FNDC3A: variants seen among roughly 807,000 people sequenced by gnomAD.
FNDC3A encodes fibronectin type III domain containing 3A.
Under a neutral mutation model 148.9 loss-of-function variants are expected in FNDC3A, and 32 were observed. That is an observed-to-expected ratio of 0.21 (90% CI 0.16 to 0.29). The LOEUF is 0.29. FNDC3A is among the 10% of genes least tolerant of loss of function. FNDC3A has a pLI of 1.00. For missense variants in FNDC3A, 1,191 were observed against 1,452.8 expected (o/e 0.82, Z 2.93); for synonymous variants, 472 against 473.6 (o/e 1.00, Z 0.04).
chr13:48,989,183 A>T (rs553955419), intron 1 of FNDC3A, among the ~76,000 whole-genome samples: 1 of 152,222 alleles, frequency 6.6e-6, no homozygotes, highest in Non-Finnish European at 1.5e-5. Context: ...TCGTAAAAGC[A>T]AGTCCCAAAG....
chr13:49,136,693 C>T lies in FNDC3A; in HGVS notation c.760+92C>T. 5 of 1,304,820 alleles carry T rather than the reference C, an allele frequency of 3.8e-6. No individual in the cohort carries two copies. The South Asian group carries it at 7.0e-5, about 18-fold the overall frequency. 80.8% of individuals were successfully genotyped at this position (1,304,820 alleles called of 1,614,324 possible). On this transcript the variant is annotated intron_variant, in intron 6 of 25. Coordinates refer to ENST00000492622, the MANE Select transcript of FNDC3A (RefSeq NM_001079673.2). ...TATTCTAACCTTTCAGTCATTTTGTCATGGTCCAAATAGACTGTTACAGGC... is the reference window on the plus strand; with the variant it reads ...TATTCTAACCTTTCAGTCATTTTGTTATGGTCCAAATAGACTGTTACAGGC...
At chr13:49,053,807 CTT>C (rs1466455357) in intron 2 of FNDC3A, among the ~76,000 whole-genome samples, 7 of 152,162 alleles carry the variant, frequency 4.6e-5, no homozygotes, top group African/African-American at 1.7e-4. Flanking sequence ...CTCAGCCAAT[CTT>C]TTCAGAATCA....
At chr13:49,074,385 T>C (rs1045474919) in intron 2 of FNDC3A, among the ~76,000 whole-genome samples, 17 of 152,306 alleles carry the variant, frequency 1.1e-4, no homozygotes, top group Non-Finnish European at 2.4e-4. Context: ...AGTAAAACTC[T>C]TTTAAAAAGC....
intron 3 of FNDC3A, among the ~76,000 whole-genome samples, chr13:49,100,970 A>G (rs1463512012): frequency 1.3e-5 from 2 of 152,182 alleles, no homozygotes; most frequent in Non-Finnish European, 2.9e-5. Context: ...ACATCTTAGT[A>G]TAAGTAAAGG....
At position 49,207,101 on chromosome 13, in the gene FNDC3A, T is replaced by C. The variant is rs1886683698; in HGVS notation, c.3303T>C (p.Ser1101=). 6.2e-7 allele frequency: 1 copy of C among 1,614,006 alleles called. No homozygotes were observed. The highest frequency in any genetic ancestry group is 1.3e-5 in the African/African-American group (1 of 75,066). ...EFKQIYKGPD[S]SFRYSSLQLN... ...AACAGATTTACAAGGGTCCCGACTC[T>C]TCCTTCCGGTATTCCAGCCTTCAGC... The change falls in exon 26 of 26, where the codon TCT becomes TCC. Residue 1101 remains serine (S), a synonymous_variant. Transcript: ENST00000492622.
chr13:49,156,020 T>C (rs1487938389), intron 8 of FNDC3A, among the ~76,000 whole-genome samples: 3 of 125,450 alleles, frequency 2.4e-5, no homozygotes, highest in African/African-American at 8.5e-5. Flanking sequence ...GAGAGTTCTG[T>C]AGATGTCAAT....
At chr13:49,023,226 A>C (rs1387172944) in intron 2 of FNDC3A, among the ~76,000 whole-genome samples, 1 of 151,972 alleles carries the variant, frequency 6.6e-6, no homozygotes, top group Non-Finnish European at 1.5e-5. Flanking sequence ...AAAATAATAA[A>C]ATTGTATTCT....
intron 4 of FNDC3A, among the ~76,000 whole-genome samples, chr13:49,120,625 A>G (rs1881273268): frequency 6.6e-6 from 1 of 152,182 alleles, no homozygotes; most frequent in South Asian, 2.1e-4. Context: ...ACATAGGCTC[A>G]AAATAAAGGG....
intron 2 of FNDC3A, among the ~76,000 whole-genome samples, chr13:49,011,620 C>A (rs1021560993): frequency 1.1e-4 from 17 of 151,976 alleles, no homozygotes; most frequent in Non-Finnish European, 1.3e-4. Flanking sequence ...TGTTGTGTTT[C>A]TTCTCTCTCT....
rs1952178468 is a variant in FNDC3A at position 49,004,174 on chromosome 13, A to G, written c.-39-1978A>G. On this transcript the variant is annotated intron_variant, in intron 1 of 25. Coordinates refer to ENST00000492622, the MANE Select transcript of FNDC3A (RefSeq NM_001079673.2). The stretch of plus-strand genomic sequence containing the variant: ...GTATTTGAGGTCAGAAGATAAGACT[A>G]GAATGTAGAAAGTGAGTAGTAACAA... Among the ~76,000 whole-genome samples the G allele has an allele frequency of 1.3e-5, 2 of 152,144 alleles. 1 individual carries two copies. The highest frequency in any genetic ancestry group is 4.1e-4 in the South Asian group (2 of 4,838).
chr13:49,133,115 G>T (rs1882132496), intron 5 of FNDC3A, among the ~76,000 whole-genome samples: 1 of 151,990 alleles, frequency 6.6e-6, no homozygotes, highest in South Asian at 2.1e-4. Flanking sequence ...TATTTCTATT[G>T]CCCAAGTAAT....
At chr13:49,192,969 G>T (rs559218793) in intron 19 of FNDC3A, among the ~76,000 whole-genome samples, 1 of 152,132 alleles carries the variant, frequency 6.6e-6, no homozygotes, top group African/African-American at 2.4e-5. Context: ...TCATTATTTT[G>T]TTGTTGTCGA....
At chr13:49,187,580 C>T in intron 16 of FNDC3A, 1 of 1,610,888 alleles carries the variant, frequency 6.2e-7, no homozygotes. Flanking sequence ...TTGTTTTCCA[C>T]TGAAAATGGC....
rs367692665 is a variant in FNDC3A, at chr13:49,114,772, A to G, written c.252+41A>G. The G allele has an allele frequency of 2.4e-6, 3 of 1,272,824 alleles. No individual in the cohort carries two copies. The African/African-American group carries it at 4.4e-5, about 19-fold the overall frequency. 78.8% of individuals were successfully genotyped at this position (1,272,824 alleles called of 1,614,324 possible). A position where few individuals can be genotyped will look rare whatever the true frequency, so the allele number is the denominator to read the frequency against. On this transcript the variant is annotated intron_variant, in intron 4 of 25. Transcript: ENST00000492622. Reference sequence around the variant, plus strand: ...ATTTTTCTTTTCATATTTGTATAATAGTGATAATGTTATTCTCTTTGACTT... The same window carrying G: ...ATTTTTCTTTTCATATTTGTATAATGGTGATAATGTTATTCTCTTTGACTT...
At chr13:49,041,676 T>G (rs1423948212) in intron 2 of FNDC3A, among the ~76,000 whole-genome samples, 1 of 151,994 alleles carries the variant, frequency 6.6e-6, no homozygotes, top group Non-Finnish European at 1.5e-5. Context: ...CTGGGCGTGG[T>G]GGTGGGCACC....
rs143787365 is a variant in FNDC3A, at chr13:49,110,257, G to A, written c.176-4398G>A. ...GGTCACTGCAGGTCACGTGATGACT[G>A]TCACGTGACTCGGTCAAAGGATCTT... On this transcript the variant is annotated intron_variant, in intron 3 of 25. Transcript: ENST00000492622. 513 of 1,198,596 alleles carry A rather than the reference G, an allele frequency of 4.3e-4. 3 individuals carry two copies. In the African/African-American group the frequency reaches 5.8e-3, roughly 14 times the overall value. The allele number at this position is 1,198,596 out of a possible 1,614,324, so 74.2% of individuals were successfully genotyped here.
At chr13:49,192,813 T>C (rs911321670) in intron 19 of FNDC3A, among the ~76,000 whole-genome samples, 1 of 152,232 alleles carries the variant, frequency 6.6e-6, no homozygotes, top group African/African-American at 2.4e-5. Context: ...ACATACATTT[T>C]AGACCTTTCT....
At chr13:49,028,012 A>G (rs773110845) in intron 2 of FNDC3A, among the ~76,000 whole-genome samples, 7 of 152,074 alleles carry the variant, frequency 4.6e-5, no homozygotes, top group Non-Finnish European at 7.4e-5. Context: ...CAGGAGTTTG[A>G]GACCAGCCTG....
Position 49,028,141 on chromosome 13 carries a change from G to A in FNDC3A, c.99+21852G>A, listed in dbSNP as rs377765367. On this transcript the variant is annotated intron_variant, in intron 2 of 25. Transcript: ENST00000492622. ...GAGGCAGGAGAATCGCTTGAACCCC[G>A]GAGGCAGAGGTTGCAGTGTGCTGAG... Among the ~76,000 whole-genome samples the A allele has an allele frequency of 4.7e-5, 7 of 150,472 alleles. No individual in the cohort carries two copies. The East Asian group carries it at 6.2e-4, about 13-fold the overall frequency.
Sources: allele counts gnomAD v4.1 joint callset (sites outside exome capture counted in the v4.1 genomes callset), GRCh38; gene constraint gnomAD v4.1.1; transcripts MANE v1.5; gene names NCBI Gene and HGNC (gene_info 2026-07-23, HGNC 2026-07-21).